The following TOR1AIP1 variants were observed in gnomAD, a reference collection of about 807,000 sequenced individuals.
TOR1AIP1 encodes torsin-1A-interacting protein 1.
Under a neutral mutation model 63.3 loss-of-function variants are expected in TOR1AIP1, and 54 were observed. The ratio of observed to expected loss-of-function variants is 0.85; its 90% CI spans 0.69 to 1.07. The LOEUF (loss-of-function observed/expected upper bound fraction) is 1.07. TOR1AIP1 is among the 50% of genes least tolerant of loss of function. The pLI is 0.00. For synonymous variants in TOR1AIP1, 294 were observed against 273.5 expected (o/e 1.07, Z -0.74); for missense variants, 736 against 715.0 (o/e 1.03, Z -0.33).
intron 8 of TOR1AIP1, among the ~76,000 whole-genome samples, chr1:179,911,023 T>C (rs1414656628): frequency 6.6e-6 from 1 of 152,224 alleles, no homozygotes; most frequent in East Asian, 1.9e-4. Flanking sequence ...TAAGTTACTA[T>C]GTTTATTATG....
At chr1:179,902,019 C>CTTT (rs767712125) in intron 5 of TOR1AIP1, among the ~76,000 whole-genome samples, 33 of 98,758 alleles carry the variant, frequency 3.3e-4, no homozygotes, top group African/African-American at 4.3e-4. Context: ...AATTCCAATT[C>CTTT]TTTTTTTTTT....
In TOR1AIP1 at chr1:179,907,845, T is replaced by C; in HGVS notation, c.819T>C (p.Asp273=). ...SSQSQNFTAH[D]KQPSVLSSGY... ...CAGGTCAAAACTTCACAGCTCATGA[T>C]AAGCAACCTTCAGTGCTAAGTAAGT... Residue 273 remains aspartate, a synonymous_variant, in exon 7 of 10, where the codon GAT becomes GAC. Transcript: ENST00000606911. 6.3e-7 allele frequency: 1 copy of C among 1,593,152 alleles called. No homozygotes were observed. Among genetic ancestry groups the C allele is most frequent in the Non-Finnish European group, 8.6e-7 (1 of 1,169,080 alleles).
chr1:179,893,504 G>C (rs1648173831), intron 3 of TOR1AIP1, among the ~76,000 whole-genome samples: 1 of 151,788 alleles, frequency 6.6e-6, no homozygotes, highest in East Asian at 1.9e-4. Context: ...GTAGTGGTGC[G>C]ATCTCAGCTC....
chr1:179,903,957 AT>A lies in TOR1AIP1; in HGVS notation c.740-3del. The stretch of plus-strand genomic sequence containing the variant: ...TATTATTTATAGTGTACTGTTTTTT[AT>A]TTTTTAGATAAAACCACCAGATCAT... On this transcript the variant is annotated splice_polypyrimidine_tract_variant and splice_region_variant and intron_variant, in intron 5 of 9. Transcript: ENST00000606911. 6.4e-7 allele frequency: 1 copy of A among 1,569,844 alleles called. No homozygotes were observed. The highest frequency in any genetic ancestry group is 8.7e-7 in the Non-Finnish European group (1 of 1,146,176).
chr1:179,903,131 TAAG>T (rs557394513), intron 5 of TOR1AIP1, among the ~76,000 whole-genome samples: 141 of 152,240 alleles, frequency 9.3e-4, no homozygotes, highest in African/African-American at 3.3e-3. Context: ...AAAATGTTTT[TAAG>T]AAGAGTAGAC....
At chr1:179,916,059 G>A (rs1648982085) in intron 9 of TOR1AIP1, among the ~76,000 whole-genome samples, 1 of 152,312 alleles carries the variant, frequency 6.6e-6, no homozygotes, top group Non-Finnish European at 1.5e-5. Flanking sequence ...ATTGACATAT[G>A]TACTCAAGGA....
chr1:179,885,111 A>ATTT (rs1647875357), intron 2 of TOR1AIP1, among the ~76,000 whole-genome samples: 1 of 152,244 alleles, frequency 6.6e-6, no homozygotes, highest in African/African-American at 2.4e-5. Flanking sequence ...AATTTGTTCA[A>ATTT]TGTCAAATGA....
chr1:179,892,332 G>A (rs369136988), intron 3 of TOR1AIP1, among the ~76,000 whole-genome samples: 3 of 58,680 alleles, frequency 5.1e-5, no homozygotes, highest in East Asian at 9.4e-4. Context: ...TTAGCCAGGC[G>A]TGGTGGTGCT....
chr1:179,911,570 G>A (rs1390966852), intron 8 of TOR1AIP1, among the ~76,000 whole-genome samples: 1 of 152,220 alleles, frequency 6.6e-6, no homozygotes, highest in Non-Finnish European at 1.5e-5. Flanking sequence ...GAATATATGT[G>A]CATGGAGAGG....
At position 179,886,550 on chromosome 1, in the gene TOR1AIP1, T is replaced by C. The variant is rs544115040; in HGVS notation, c.553+1781T>C. Among the ~76,000 whole-genome samples, 137 of 152,282 alleles carry C rather than the reference T, an allele frequency of 9.0e-4. 1 individual carries two copies. Among genetic ancestry groups the C allele is most frequent in the African/African-American group, 3.2e-3 (132 of 41,560 alleles). ...AAATCACTTTGTACCCGGTAAAACA[T>C]GCAAGTGAGGTTTTTTTTTTCTCAT... On this transcript the variant is annotated intron_variant, in intron 2 of 9. Coordinates refer to ENST00000606911, the MANE Select transcript of TOR1AIP1 (RefSeq NM_015602.4).
At chr1:179,896,009 A>G in intron 3 of TOR1AIP1, among the ~76,000 whole-genome samples, 1 of 67,754 alleles carries the variant, frequency 1.5e-5, no homozygotes, top group South Asian at 3.8e-4. Flanking sequence ...GTGAAAAACA[A>G]AAGAGGGAAA....
At chr1:179,907,705 GTTTT>G in intron 6 of TOR1AIP1, 114 bp from the exon 7 acceptor site, 2 of 527,360 alleles carry the variant, frequency 3.8e-6, no homozygotes, top group East Asian at 3.5e-5. Flanking sequence ...ATGAGAGAAT[GTTTT>G]TTGTCTGTTG....
rs146976883 is a variant in TOR1AIP1 at position 179,882,572 on chromosome 1, C to G, written c.70C>G (p.Pro24Ala). 2.9e-3 allele frequency: 4,429 copies of G among 1,517,228 alleles called. 14 individuals are homozygous for G. Among genetic ancestry groups the G allele is most frequent in the Non-Finnish European group, 3.4e-3 (3,896 of 1,136,476 alleles). The allele number at this position is 1,517,228 out of a possible 1,614,324, so 94.0% of individuals were successfully genotyped here. The change falls in exon 1 of 10, where the codon CCC (proline) becomes GCC (alanine). Residue 24 changes from proline (P) to alanine (A), a missense_variant. Coordinates refer to ENST00000606911, the MANE Select transcript of TOR1AIP1 (RefSeq NM_015602.4). Reference protein sequence around the residue: ...GWGVYVTPRAPIREGRGRLAP... With the variant: ...GWGVYVTPRAAIREGRGRLAP... ...GGGTGTGTACGTCACCCCCAGGGCC[C>G]CCATCCGAGAGGGAAGGGGCCGGCT...
In TOR1AIP1 at chr1:179,882,793, G is replaced by A; in HGVS notation, c.291G>A (p.Glu97=). The change falls in exon 1 of 10, where the codon GAG becomes GAA. Residue 97 remains glutamate, a synonymous_variant. Coordinates refer to ENST00000606911, the MANE Select transcript of TOR1AIP1 (RefSeq NM_015602.4). ...AGTTCCGGTCCGATTCTGCGAAAGA[G>A]GAAGTGAGAGAAAGCGCGTACTACC... ...LEEFRSDSAK[E]EVRESAYYLR... is the part of the protein sequence containing the mutation. The A allele has an allele frequency of 6.2e-7, 1 of 1,614,220 alleles. No homozygotes were observed. The highest frequency in any genetic ancestry group is 8.5e-7 in the Non-Finnish European group (1 of 1,180,040).
At chr1:179,912,002 CTTTTTTTTCTT>C (rs60925573) in intron 8 of TOR1AIP1, among the ~76,000 whole-genome samples, 70,274 of 127,216 alleles carry the variant, frequency 0.55, 16,165 homozygotes, top group East Asian at 0.69. Flanking sequence ...TTTCTTTTTT[CTTTTTTTTCTT>C]TTTTTTTTCT....
intron 2 of TOR1AIP1, among the ~76,000 whole-genome samples, chr1:179,887,265 G>C (rs943626638): frequency 1.3e-5 from 2 of 152,182 alleles, no homozygotes; most frequent in Admixed American, 6.5e-5. Context: ...CAGGCGTGGT[G>C]GTGGGCACCT....
intron 8 of TOR1AIP1, among the ~76,000 whole-genome samples, chr1:179,911,552 A>G (rs1648831183): frequency 6.6e-6 from 1 of 152,238 alleles, no homozygotes; most frequent in Admixed American, 6.5e-5. Flanking sequence ...AACAATGATT[A>G]TAGAGAAGAA....
At chr1:179,902,850 A>G (rs1244207553) in intron 5 of TOR1AIP1, among the ~76,000 whole-genome samples, 1 of 152,204 alleles carries the variant, frequency 6.6e-6, no homozygotes, top group Non-Finnish European at 1.5e-5. Flanking sequence ...TACATATTAC[A>G]TGAAGCTCTA....
Position 179,919,367 on chromosome 1 carries a change from T to C in TOR1AIP1, c.*1128T>C, listed in dbSNP as rs1649122938. 6.6e-6 allele frequency: 1 copy of C among 152,228 alleles called. No homozygotes were observed. Among genetic ancestry groups the C allele is most frequent in the African/African-American group, 2.4e-5 (1 of 41,466 alleles). 9.4% of individuals were successfully genotyped at this position (152,228 alleles called of 1,614,324 possible). On this transcript the variant is annotated 3_prime_UTR_variant, in exon 10 of 10. Transcript: ENST00000606911. The stretch of plus-strand genomic sequence containing the variant: ...GAGTTTCAGGAATTGACAAACCATT[T>C]GTTAACCAGCTGTCCTGGGCTATTG...
Sources: gnomAD v4.1 joint callset for allele counts (sites outside exome capture counted in the v4.1 genomes callset) on GRCh38, gnomAD v4.1.1 for gene constraint, MANE v1.5 for transcripts, NCBI Gene and HGNC (gene_info 2026-07-23, HGNC 2026-07-21) for gene names.